The following PPARGC1A variants were observed in gnomAD, a reference collection of about 807,000 sequenced individuals.
PPARGC1A encodes the protein peroxisome proliferator-activated receptor gamma coactivator 1-alpha.
In PPARGC1A, 25 loss-of-function variants were observed where a neutral mutation model predicts 88.7. That is an observed-to-expected ratio of 0.28 (90% CI 0.21 to 0.39). PPARGC1A has a LOEUF of 0.39. PPARGC1A is among the 10% of genes least tolerant of loss of function. The probability of loss-of-function intolerance (pLI) is 1.00; values close to 1 mark genes in which losing one functional copy is unlikely to be tolerated. For missense variants in PPARGC1A, 880 were observed against 968.7 expected, an observed-to-expected ratio of 0.91 and a Z score of 1.22; for synonymous variants, 363 against 355.6, an observed-to-expected ratio of 1.02 and a Z score of -0.24.
the PPARGC1A span, among the ~76,000 whole-genome samples, chr4:24,339,387 C>T: frequency 6.6e-6 from 1 of 151,362 alleles, no homozygotes; most frequent in African/African-American, 2.4e-5. Context: ...TATCTTATTT[C>T]CCATTTCAGA....
chr4:24,185,693 C>G, the PPARGC1A span, among the ~76,000 whole-genome samples: 1 of 152,106 alleles, frequency 6.6e-6, no homozygotes, highest in African/African-American at 2.4e-5. Context: ...TTTCAGGGCT[C>G]TAGAATTTTT....
At chr4:24,141,534 T>A in the PPARGC1A span, among the ~76,000 whole-genome samples, 12 of 152,212 alleles carry the variant, frequency 7.9e-5, no homozygotes, top group Admixed American at 3.3e-4. Flanking sequence ...GTGGAGAACA[T>A]GCCATTCAAG....
chr4:24,387,766 G>GAGAGAAAGAAAGAAAGAA, the PPARGC1A span, among the ~76,000 whole-genome samples: 4 of 52,078 alleles, frequency 7.7e-5, no homozygotes, highest in African/African-American at 2.6e-4. Context: ...GAGAGAGAGA[G>GAGAGAAAGAAAGAAAGAA]AGAAAGAAAG....
At chr4:24,224,503 T>A in the PPARGC1A span, among the ~76,000 whole-genome samples, 1 of 152,222 alleles carries the variant, frequency 6.6e-6, no homozygotes, top group Non-Finnish European at 1.5e-5. Flanking sequence ...ACACAATACC[T>A]GGTCTGGCAT....
chr4:24,040,657 C>T, the PPARGC1A span, among the ~76,000 whole-genome samples: 7 of 152,114 alleles, frequency 4.6e-5, no homozygotes, highest in African/African-American at 1.2e-4. Flanking sequence ...AATGCAACAC[C>T]GGAGCTTACA....
chr4:23,827,412 G>A (rs973939778), intron 5 of PPARGC1A, among the ~76,000 whole-genome samples: 1 of 151,164 alleles, frequency 6.6e-6, no homozygotes, highest in African/African-American at 2.4e-5. Flanking sequence ...AAAAGGAAAA[G>A]TTGGGAAAAT....
the PPARGC1A span, among the ~76,000 whole-genome samples, chr4:24,271,397 A>G: frequency 1.3e-5 from 2 of 149,674 alleles, no homozygotes; most frequent in South Asian, 4.3e-4. Flanking sequence ...TTTTTTTTTG[A>G]GATGGAGTCT....
At chr4:24,456,094 A>C in the PPARGC1A span, among the ~76,000 whole-genome samples, 70 of 152,358 alleles carry the variant, frequency 4.6e-4, no homozygotes, top group Non-Finnish European at 8.8e-5. Flanking sequence ...CTTTCATGCC[A>C]TGCAACAAAG....
At chr4:23,985,468 ATTTTTT>A in the PPARGC1A span, among the ~76,000 whole-genome samples, 6 of 144,346 alleles carry the variant, frequency 4.2e-5, no homozygotes, top group Admixed American at 6.9e-5. Flanking sequence ...TATCTCTGCA[ATTTTTT>A]TTTTTTTTTT....
Position 23,886,265 on chromosome 4 carries a change from T to C in PPARGC1A, c.55-1334A>G, listed in dbSNP as rs567434993. Among the ~76,000 whole-genome samples, 11 of 152,320 alleles carry C rather than the reference T, an allele frequency of 7.2e-5. No homozygotes were observed. In the South Asian group the frequency reaches 2.3e-3, roughly 32 times the overall value. On this transcript the variant is annotated intron_variant, in intron 1 of 12. Coordinates refer to ENST00000264867, the MANE Select transcript of PPARGC1A (RefSeq NM_013261.5). Reference sequence around the variant, plus strand: ...AAAATGAAAGATGCTCCTTGACATTTACATTTTGAATGAAATAAGTTTTAT... The same window carrying C: ...AAAATGAAAGATGCTCCTTGACATTCACATTTTGAATGAAATAAGTTTTAT...
At chr4:23,894,044 G>A (rs1019188607), upstream of PPARGC1A, among the ~76,000 whole-genome samples, 8 of 152,182 alleles carry the variant, frequency 5.3e-5, no homozygotes, top group South Asian at 4.1e-4. Context: ...CATGCAAATC[G>A]CTGAAAGCCT....
the PPARGC1A span, among the ~76,000 whole-genome samples, chr4:24,192,342 C>T: frequency 1.2e-4 from 19 of 152,094 alleles, no homozygotes; most frequent in African/African-American, 3.6e-4. Context: ...GATAATAATA[C>T]GAGAAAGTCC....
At chr4:23,932,282 A>ATTAGTTCCTGGC in the PPARGC1A span, among the ~76,000 whole-genome samples, 1 of 151,090 alleles carries the variant, frequency 6.6e-6, no homozygotes, top group Non-Finnish European at 1.5e-5. Context: ...AGTGGGACTA[A>ATTAGTTCCTGGC]TTAGTTCCTC....
At chr4:23,873,834 C>T (rs1442556168) in intron 2 of PPARGC1A, among the ~76,000 whole-genome samples, 1 of 152,056 alleles carries the variant, frequency 6.6e-6, no homozygotes, top group African/African-American at 2.4e-5. Flanking sequence ...AAAAAAGCTA[C>T]TCACACATAC....
chr4:23,938,399 A>T, the PPARGC1A span, among the ~76,000 whole-genome samples: 11 of 152,192 alleles, frequency 7.2e-5, no homozygotes, highest in Non-Finnish European at 1.5e-4. Flanking sequence ...TCTTTCATTA[A>T]ATGATTGCAC....
the PPARGC1A span, among the ~76,000 whole-genome samples, chr4:24,331,774 T>TAC: frequency 1.2e-4 from 18 of 150,354 alleles, no homozygotes; most frequent in Non-Finnish European, 1.8e-4. Flanking sequence ...ATTTTATATA[T>TAC]ATATATATAT....
chr4:24,339,652 A>G, the PPARGC1A span, among the ~76,000 whole-genome samples: 20 of 152,328 alleles, frequency 1.3e-4, no homozygotes, highest in South Asian at 2.1e-4. Context: ...ATCACAGCCA[A>G]TGGCGCTCAA....
At chr4:24,129,504 G>A in the PPARGC1A span, among the ~76,000 whole-genome samples, 54 of 152,244 alleles carry the variant, frequency 3.5e-4, no homozygotes, top group African/African-American at 1.3e-3. Context: ...AAGCAACATA[G>A]TACATTGGAA....
At chr4:23,938,482 G>A in the PPARGC1A span, among the ~76,000 whole-genome samples, 3 of 152,092 alleles carry the variant, frequency 2.0e-5, no homozygotes, top group Admixed American at 6.6e-5. Flanking sequence ...TGCCTTCCAG[G>A]AGCATGCAGT....
Sources: gnomAD v4.1 joint callset for allele counts (sites outside exome capture counted in the v4.1 genomes callset) on GRCh38, gnomAD v4.1.1 for gene constraint, MANE v1.5 for transcripts, NCBI Gene and HGNC (gene_info 2026-07-23, HGNC 2026-07-21) for gene names.